The following LURAP1L variants were observed in gnomAD, a reference collection of about 807,000 sequenced individuals.
The protein encoded by LURAP1L is leucine rich adaptor protein 1-like.
LURAP1L carries 12 observed loss-of-function variants against 13.8 expected under a neutral mutation model. That is an observed-to-expected ratio of 0.87 (90% CI 0.56 to 1.41). LURAP1L has a LOEUF of 1.41. Ranked by LOEUF, LURAP1L falls within the 40% of genes most tolerant of loss-of-function variation. LURAP1L has a pLI of 0.00. For synonymous variants in LURAP1L, 139 were observed against 119.2 expected (o/e 1.17, Z -1.08); for missense variants, 375 against 292.9 (o/e 1.28, Z -2.04).
chr9:12,804,606 G>C (rs188955887), intron 1 of LURAP1L, among the ~76,000 whole-genome samples: 24 of 152,140 alleles, frequency 1.6e-4, no homozygotes, highest in African/African-American at 5.5e-4. Context: ...GCCTCCAAAA[G>C]TATTCGGATT....
At chr9:12,776,243 C>T (rs922487445) in intron 1 of LURAP1L, among the ~76,000 whole-genome samples, 33 of 152,114 alleles carry the variant, frequency 2.2e-4, no homozygotes, top group African/African-American at 5.8e-4. Flanking sequence ...TCACGGTTTG[C>T]AAAGACAGCA....
At chr9:12,781,152 G>C (rs1335750464) in intron 1 of LURAP1L, among the ~76,000 whole-genome samples, 2 of 152,020 alleles carry the variant, frequency 1.3e-5, no homozygotes, top group Non-Finnish European at 2.9e-5. Context: ...TGTATTTTTA[G>C]TAGAGATGGG....
chr9:12,788,148 G>GAAGAAAGA (rs35187096), intron 1 of LURAP1L, among the ~76,000 whole-genome samples: 14,792 of 117,250 alleles, frequency 0.13, 1,123 homozygotes, highest in Middle Eastern at 0.22. Context: ...GAAAGAGAAA[G>GAAGAAAGA]AAGAAAGAAA....
chr9:12,782,372 G>C (rs938517139), intron 1 of LURAP1L, among the ~76,000 whole-genome samples: 1 of 152,076 alleles, frequency 6.6e-6, no homozygotes, highest in Admixed American at 6.6e-5. Flanking sequence ...TCTTCTTTTG[G>C]TACTTTTATG....
At chr9:12,808,614 G>A (rs1045278349) in intron 1 of LURAP1L, among the ~76,000 whole-genome samples, 4 of 151,882 alleles carry the variant, frequency 2.6e-5, no homozygotes, top group Non-Finnish European at 5.9e-5. Context: ...TTATACTTGT[G>A]CAACTGTAGG....
chr9:12,777,269 T>A, intron 1 of LURAP1L: 3 of 985,394 alleles, frequency 3.0e-6, no homozygotes, highest in Non-Finnish European at 3.6e-6. Flanking sequence ...GTCATCTTGA[T>A]GAGTTTGCAA....
At position 12,802,824 on chromosome 9, in the gene LURAP1L, T is replaced by C. The variant is rs114241027; in HGVS notation, c.313-18562T>C. On this transcript the variant is annotated intron_variant, in intron 1 of 1. Coordinates refer to ENST00000319264, the MANE Select transcript of LURAP1L (RefSeq NM_203403.2). ...GAATGCCTCCAAATTACCTTTCCGC[T>C]TTTCCTCTACCAACACCTGCTCCCC... Among the ~76,000 whole-genome samples, 521 of 152,248 alleles carry C rather than the reference T, an allele frequency of 3.4e-3. 2 individuals are homozygous for C. The highest frequency in any genetic ancestry group is 0.012 in the African/African-American group (494 of 41,542).
chr9:12,798,106 C>CA (rs763963613), intron 1 of LURAP1L, among the ~76,000 whole-genome samples: 9 of 152,022 alleles, frequency 5.9e-5, no homozygotes, highest in Non-Finnish European at 1.0e-4. Context: ...ACAATAAAAG[C>CA]ATGTATAATT....
At chr9:12,815,193 T>C (rs1272848436) in intron 1 of LURAP1L, among the ~76,000 whole-genome samples, 2 of 152,176 alleles carry the variant, frequency 1.3e-5, no homozygotes, top group Admixed American at 6.5e-5. Flanking sequence ...GAAAATCTTC[T>C]GTGATCATCA....
At position 12,775,679 on chromosome 9, in the gene LURAP1L, T is replaced by C. The variant is rs766265083; in HGVS notation, c.-37T>C. ...GAAGCCGTGGCTGCCTTTCATCTGC[T>C]GCGTTTTATTACTATTATCGCCGTT... is the stretch of plus-strand genomic sequence containing the variant. On this transcript the variant is annotated 5_prime_UTR_variant, in exon 1 of 2. Transcript: ENST00000319264. The C allele has an allele frequency of 4.6e-6, 7 of 1,529,952 alleles. No homozygotes were observed. In the South Asian group the frequency reaches 9.1e-5, roughly 20 times the overall value. 94.8% of individuals were successfully genotyped at this position (1,529,952 alleles called of 1,614,324 possible). A position where few individuals can be genotyped will look rare whatever the true frequency, so the allele number is the denominator to read the frequency against.
In LURAP1L at chr9:12,822,867, G is replaced by A. The variant is rs1333833310; in HGVS notation, c.*1107G>A. On this transcript the variant is annotated 3_prime_UTR_variant, in exon 2 of 2. Coordinates refer to ENST00000319264, the MANE Select transcript of LURAP1L (RefSeq NM_203403.2). ...GGGAATCTAATTAAGATTTCATGCT[G>A]TTCTTTGTAATGATAAATGTTTCCG... Among the ~76,000 whole-genome samples, 1 of 152,046 alleles carries A rather than the reference G, an allele frequency of 6.6e-6. No individual in the cohort carries two copies. The highest frequency in any genetic ancestry group is 1.5e-5 in the Non-Finnish European group (1 of 67,996).
intron 1 of LURAP1L, among the ~76,000 whole-genome samples, chr9:12,803,732 A>G (rs558850246): frequency 6.6e-6 from 1 of 152,346 alleles, no homozygotes; most frequent in South Asian, 2.1e-4. Flanking sequence ...AACATCATTT[A>G]AACTAGATCA....
At chr9:12,792,818 T>C (rs1392419982) in intron 1 of LURAP1L, among the ~76,000 whole-genome samples, 1 of 152,072 alleles carries the variant, frequency 6.6e-6, no homozygotes, top group Non-Finnish European at 1.5e-5. Flanking sequence ...CCCTGAGAAG[T>C]GAAACAGAAT....
rs775587418 is a variant in LURAP1L, at chr9:12,775,927, C to T, written c.212C>T (p.Ser71Phe). ...TGCAGCTTCCCTCCCTCCTTGTCGTCCTCCTCTTCGTCCTCCCCAACCTCT... is the reference window on the plus strand; with the variant it reads ...TGCAGCTTCCCTCCCTCCTTGTCGTTCTCCTCTTCGTCCTCCCCAACCTCT... Reference protein sequence around the residue: ...SYCSFPPSLSSSSSSSPTSGS... With the variant: ...SYCSFPPSLSFSSSSSPTSGS... The change falls in exon 1 of 2, where the codon TCC becomes TTC. Residue 71 changes from serine to phenylalanine, a missense_variant. Ser to Phe is a radical substitution (Grantham distance 155, BLOSUM62 -2). Coordinates refer to ENST00000319264, the MANE Select transcript of LURAP1L (RefSeq NM_203403.2). 1.9e-5 allele frequency: 30 copies of T among 1,574,614 alleles called. No individual in the cohort carries two copies. Among genetic ancestry groups the T allele is most frequent in the Non-Finnish European group, 2.6e-5 (30 of 1,160,222 alleles).
At chr9:12,777,168 A>G (rs1196006307) in intron 1 of LURAP1L, 21 of 813,894 alleles carry the variant, frequency 2.6e-5, no homozygotes, top group Non-Finnish European at 3.1e-5. Context: ...GTTATTATAG[A>G]GTTCTATCAT....
At chr9:12,817,885 A>G (rs765677521) in intron 1 of LURAP1L, among the ~76,000 whole-genome samples, 4 of 152,188 alleles carry the variant, frequency 2.6e-5, no homozygotes, top group Non-Finnish European at 4.4e-5. Flanking sequence ...AGCAGAGTGC[A>G]GCAGCTGGGC....
intron 1 of LURAP1L, among the ~76,000 whole-genome samples, chr9:12,814,628 G>C (rs957111150): frequency 6.6e-6 from 1 of 152,124 alleles, no homozygotes; most frequent in Non-Finnish European, 1.5e-5. Context: ...CAGATCTCAC[G>C]AGCAGGCCTG....
At chr9:12,783,605 A>G (rs1819305413) in intron 1 of LURAP1L, among the ~76,000 whole-genome samples, 1 of 152,084 alleles carries the variant, frequency 6.6e-6, no homozygotes, top group South Asian at 2.1e-4. Flanking sequence ...TAGGTTCACT[A>G]TTATTTTGTT....
At chr9:12,797,797 T>TACA (rs929650676) in intron 1 of LURAP1L, among the ~76,000 whole-genome samples, 212 of 152,290 alleles carry the variant, frequency 1.4e-3, no homozygotes, top group African/African-American at 5.0e-3. Flanking sequence ...AAACATATAA[T>TACA]TTGACATTCT....
Sources: gnomAD v4.1 joint callset for allele counts (sites outside exome capture counted in the v4.1 genomes callset) on GRCh38, gnomAD v4.1.1 for gene constraint, MANE v1.5 for transcripts, NCBI Gene and HGNC (gene_info 2026-07-23, HGNC 2026-07-21) for gene names.